Variants in PTPRM observed in about 807,000 individuals in gnomAD.
PTPRM encodes the protein protein tyrosine phosphatase receptor type M, also known as receptor-type tyrosine-protein phosphatase mu.
PTPRM carries 47 observed loss-of-function variants against 186.7 expected under a neutral mutation model. The observed-to-expected ratio is 0.25, with a 90% CI of 0.20 to 0.32. The LOEUF is 0.32. Among genes scored for constraint, PTPRM ranks in the 10% least tolerant of loss-of-function variants. PTPRM has a pLI of 1.00. For missense variants in PTPRM, 1,494 were observed against 1,865.0 expected (o/e 0.80, Z 3.66); for synonymous variants, 668 against 674.9 (o/e 0.99, Z 0.16).
intron 11 of PTPRM, 135 bp from the exon 12 acceptor site, chr18:8,113,351 T>C (rs1726166246): frequency 2.7e-6 from 2 of 747,518 alleles, no homozygotes. Flanking sequence ...GAGTCTGTTA[T>C]ATATCAAGCA....
chr18:7,712,346 C>G (rs1219077524), intron 1 of PTPRM, among the ~76,000 whole-genome samples: 1 of 152,086 alleles, frequency 6.6e-6, no homozygotes, highest in African/African-American at 2.4e-5. Context: ...CTCAGAAACC[C>G]CATCTGAAGG....
chr18:8,366,184 T>C (rs1227102461), intron 23 of PTPRM, among the ~76,000 whole-genome samples: 2 of 152,194 alleles, frequency 1.3e-5, no homozygotes, highest in African/African-American at 4.8e-5. Context: ...ATGTCCTATT[T>C]ACAGATGAAG....
Position 8,283,673 on chromosome 18 carries a change from G to A in PTPRM, c.2755-12695G>A, listed in dbSNP as rs539920776. On this transcript the variant is annotated intron_variant, in intron 19 of 32. Transcript: ENST00000580170. ...TCTTGCTCTGTTGCCCAGGCTGGAGGGCAGTGGTGCAATCGTAACTCACTG... is the reference window on the plus strand; with the variant it reads ...TCTTGCTCTGTTGCCCAGGCTGGAGAGCAGTGGTGCAATCGTAACTCACTG... 2.3e-3 allele frequency among the ~76,000 whole-genome samples: 348 copies of A among 152,100 alleles called. 4 individuals carry two copies. Among genetic ancestry groups the A allele is most frequent in the Admixed American group, 5.6e-3 (85 of 15,292 alleles).
At chr18:7,675,130 G>A (rs1426847492) in intron 1 of PTPRM, among the ~76,000 whole-genome samples, 1 of 152,144 alleles carries the variant, frequency 6.6e-6, no homozygotes, top group African/African-American at 2.4e-5. Flanking sequence ...AAACTAAATT[G>A]GGTTTTAGTA....
chr18:7,621,509 T>A (rs2037938198), intron 1 of PTPRM, among the ~76,000 whole-genome samples: 1 of 152,110 alleles, frequency 6.6e-6, no homozygotes, highest in African/African-American at 2.4e-5. Flanking sequence ...TGGGCCACAT[T>A]TGATGTTGAA....
intron 27 of PTPRM, 97 bp downstream of exon 27, chr18:8,378,511 C>T (rs2095710475): frequency 6.9e-7 from 1 of 1,448,534 alleles, no homozygotes. Flanking sequence ...TCACAAGGTT[C>T]CTTGGCCTCC....
intron 22 of PTPRM, among the ~76,000 whole-genome samples, chr18:8,326,380 A>G (rs2095376392): frequency 6.6e-6 from 1 of 152,270 alleles, no homozygotes; most frequent in Non-Finnish European, 1.5e-5. Flanking sequence ...TACAGATTCA[A>G]TGCTATTCCT....
rs538161177 is a variant in PTPRM at position 8,406,097 on chromosome 18, C to T, written c.4345-12C>T. 1.2e-6 allele frequency: 2 copies of T among 1,613,946 alleles called. No homozygotes were observed. The highest frequency in any genetic ancestry group is 1.1e-5 in the South Asian group (1 of 91,066). On this transcript the variant is annotated splice_polypyrimidine_tract_variant and intron_variant, in intron 32 of 32. Transcript: ENST00000580170. ...TATTCTTGAGCTGACACTTTCCCCTCCTGTTTTCCAGGATCAGTACAAGTT... is the reference window on the plus strand; with the variant it reads ...TATTCTTGAGCTGACACTTTCCCCTTCTGTTTTCCAGGATCAGTACAAGTT...
rs528217079 is a variant in PTPRM at position 7,630,039 on chromosome 18, C to T, written c.73+62148C>T. ...TCAGGGTGGAGAGGGATGCCATTTA[C>T]TCACCCAGGGAATAGGTTTGTGGGA... is the stretch of plus-strand genomic sequence containing the variant. On this transcript the variant is annotated intron_variant, in intron 1 of 32. Coordinates refer to ENST00000580170, the MANE Select transcript of PTPRM (RefSeq NM_001105244.2). Among the ~76,000 whole-genome samples the T allele has an allele frequency of 6.6e-5, 10 of 152,144 alleles. 1 individual carries two copies. In the South Asian group the frequency reaches 2.1e-3, roughly 32 times the overall value.
At chr18:7,688,907 G>T (rs1187472149) in intron 1 of PTPRM, among the ~76,000 whole-genome samples, 1 of 152,174 alleles carries the variant, frequency 6.6e-6, no homozygotes, top group Non-Finnish European at 1.5e-5. Flanking sequence ...TCTAGTGCTG[G>T]AAGAAACCCT....
chr18:7,607,648 CT>C (rs1314809039), intron 1 of PTPRM, among the ~76,000 whole-genome samples: 3 of 152,210 alleles, frequency 2.0e-5, no homozygotes, highest in Non-Finnish European at 4.4e-5. Context: ...AAGATTTCTC[CT>C]GCATGTGCCA....
In PTPRM at chr18:8,314,835, A is replaced by G; in HGVS notation, c.2897A>G (p.Tyr966Cys). The G allele has an allele frequency of 6.2e-7, 1 of 1,605,586 alleles. No homozygotes were observed. The highest frequency in any genetic ancestry group is 1.1e-5 in the South Asian group (1 of 90,580). Reference protein sequence around the residue: ...QTIEGDTNSDYINGNYIDGYH... With the variant: ...QTIEGDTNSDCINGNYIDGYH... The stretch of plus-strand genomic sequence containing the variant: ...ATAGAAGGAGACACAAACTCAGACT[A>G]TATCAATGGCAATTATATCGATGTA... The change falls in exon 21 of 33, where the codon TAT becomes TGT. Residue 966 changes from tyrosine (Y) to cysteine (C), a missense_variant. This residue lies in a region of PTPRM where 1,107 missense variants were observed against 1,350.2 expected (regional missense o/e 0.82). Coordinates refer to ENST00000580170, the MANE Select transcript of PTPRM (RefSeq NM_001105244.2).
At chr18:7,836,572 G>C (rs1458398164) in intron 2 of PTPRM, among the ~76,000 whole-genome samples, 1 of 152,034 alleles carries the variant, frequency 6.6e-6, no homozygotes, top group Non-Finnish European at 1.5e-5. Context: ...GTGATTTTCT[G>C]TGTACTTACT....
At chr18:7,951,078 G>C (rs10164001) in intron 6 of PTPRM, among the ~76,000 whole-genome samples, 8,566 of 152,218 alleles carry the variant, frequency 0.056, 804 homozygotes, top group African/African-American at 0.2. Flanking sequence ...ATTTGTCACA[G>C]CAGATTCTTA....
intron 1 of PTPRM, among the ~76,000 whole-genome samples, chr18:7,748,108 C>CA (rs2041040098): frequency 6.6e-6 from 1 of 152,150 alleles, no homozygotes; most frequent in Admixed American, 6.5e-5. Flanking sequence ...GTCCCTCTTG[C>CA]AGTAGGTGTG....
intron 7 of PTPRM, among the ~76,000 whole-genome samples, chr18:8,003,017 G>A (rs2083960369): frequency 6.6e-6 from 1 of 152,144 alleles, no homozygotes; most frequent in South Asian, 2.1e-4. Flanking sequence ...ATACAAAACA[G>A]TCTGGCATTT....
chr18:7,747,771 A>G (rs757444697), intron 1 of PTPRM: 1 of 152,158 alleles, frequency 6.6e-6, no homozygotes, highest in African/African-American at 2.4e-5. Context: ...TATGTCTGCA[A>G]TGACCCTATT....
Position 8,099,139 on chromosome 18 carries a change from TTCTCTC to T in PTPRM, c.1856+10302_1856+10307del, listed in dbSNP as rs138039597. Among the ~76,000 whole-genome samples, 4 of 149,618 alleles carry T rather than the reference TTCTCTC, an allele frequency of 2.7e-5. No homozygotes were observed. The South Asian group carries it at 8.5e-4, about 32-fold the overall frequency. On this transcript the variant is annotated intron_variant, in intron 11 of 32. Transcript: ENST00000580170. ...CACACACAGTCTCTCCACAGTCTCT[TTCTCTC>T]TCTCTCTCTCTCTTTCTCTCTCTCT...
chr18:7,790,626 ATCTC>A (rs1241802081), intron 2 of PTPRM, among the ~76,000 whole-genome samples: 2 of 152,228 alleles, frequency 1.3e-5, no homozygotes, highest in African/African-American at 2.4e-5. Context: ...TAAAGAGGAG[ATCTC>A]TCTAAGACTT....
Sources: allele counts gnomAD v4.1 joint callset (sites outside exome capture counted in the v4.1 genomes callset), GRCh38; gene constraint gnomAD v4.1.1; regional missense constraint gnomAD v4.1.1; transcripts MANE v1.5; gene names NCBI Gene and HGNC (gene_info 2026-07-23, HGNC 2026-07-21).